ZNF521: variants seen among roughly 807,000 people sequenced by gnomAD.
ZNF521 encodes the protein zinc finger protein 521, also known as LYST-interacting protein 3.
A neutral mutation model predicts 105.5 loss-of-function variants in ZNF521; 14 were observed. The observed-to-expected ratio is 0.13, with a 90% confidence interval of 0.09 to 0.21. The LOEUF (loss-of-function observed/expected upper bound fraction) is 0.21. ZNF521 is among the 10% of genes least tolerant of loss of function. The pLI, the probability that ZNF521 is intolerant of heterozygous loss-of-function variation, is 1.00. For missense variants in ZNF521, 1,233 were observed against 1,629.7 expected, an observed-to-expected ratio of 0.76 and a Z score of 4.19; for synonymous variants, 635 against 606.0, an observed-to-expected ratio of 1.05 and a Z score of -0.70.
chr18:25,303,271 C>CGTGTGTGTGTGTGT (rs756904913), intron 3 of ZNF521, among the ~76,000 whole-genome samples: 10 of 132,692 alleles, frequency 7.5e-5, no homozygotes, highest in Non-Finnish European at 1.6e-4. Flanking sequence ...TTCTTTCTTT[C>CGTGTGTGTGTGTGT]GTGTGTGTGT....
intron 3 of ZNF521, among the ~76,000 whole-genome samples, chr18:25,271,535 A>C (rs1909660448): frequency 6.6e-6 from 1 of 152,218 alleles, no homozygotes; most frequent in South Asian, 2.1e-4. Flanking sequence ...AGGCTACAGT[A>C]ACCAAAGCAG....
intron 5 of ZNF521, among the ~76,000 whole-genome samples, chr18:25,104,116 T>C (rs182660537): frequency 6.6e-6 from 1 of 152,300 alleles, no homozygotes; most frequent in African/African-American, 2.4e-5. Context: ...TATTTCTAAG[T>C]CTATAATGTC....
intron 5 of ZNF521, among the ~76,000 whole-genome samples, chr18:25,164,227 C>T (rs1567989717): frequency 1.3e-5 from 2 of 152,202 alleles, no homozygotes; most frequent in African/African-American, 4.8e-5. Flanking sequence ...CCTGCAGCTT[C>T]TGTGCCTTGC....
chr18:25,274,270 T>TCCCCAA (rs1909890131), intron 3 of ZNF521, among the ~76,000 whole-genome samples: 1 of 152,092 alleles, frequency 6.6e-6, no homozygotes, highest in Admixed American at 6.6e-5. Flanking sequence ...TGGTCAGTAG[T>TCCCCAA]CATGGTGGTG....
intron 3 of ZNF521, among the ~76,000 whole-genome samples, chr18:25,268,824 C>T (rs1306341782): frequency 6.6e-6 from 1 of 152,178 alleles, no homozygotes; most frequent in Admixed American, 6.5e-5. Flanking sequence ...ACTGCAAAAA[C>T]ATACCTAACT....
At chr18:25,125,872 T>C (rs983150917) in intron 5 of ZNF521, among the ~76,000 whole-genome samples, 3 of 152,082 alleles carry the variant, frequency 2.0e-5, no homozygotes, top group Non-Finnish European at 4.4e-5. Context: ...TGCAAGAATT[T>C]GGCCATTACT....
rs557059473 is a variant in ZNF521 at position 25,071,618 on chromosome 18, G to T, written c.3907-8877C>A. On this transcript the variant is annotated intron_variant, in intron 7 of 7. Transcript: ENST00000361524. ...AATACTGCAGAGAAAGAAAAAATTG[G>T]TTTCAGAGCTGGGGGTTGGGGGTGG... Among the ~76,000 whole-genome samples the T allele has an allele frequency of 2.0e-5, 3 of 152,214 alleles. No individual in the cohort carries two copies. In the South Asian group the frequency reaches 6.2e-4, roughly 32 times the overall value.
Position 25,227,100 on chromosome 18 carries a change from G to A in ZNF521, c.818C>T (p.Ser273Phe), listed in dbSNP as rs778617412. 6 of 1,614,154 alleles carry A rather than the reference G, an allele frequency of 3.7e-6. No homozygotes were observed. The highest frequency in any genetic ancestry group is 2.2e-5 in the South Asian group (2 of 91,080). The change falls in exon 4 of 8, where the codon TCC becomes TTC. Residue 273 changes from serine to phenylalanine, a missense_variant. Transcript: ENST00000361524. This position sits in a 1 kb window ranked among gnomAD's most constrained non-coding sequence, Gnocchi z 5.7. The stretch of plus-strand genomic sequence containing the variant: ...GAGGGCCGCTCGGTCCTCATTTGGG[G>A]AGCATTCGGGGTGGCACTCTGCAAT... ...KHIAECHPEC[S>F]PNEDRAALQC... is the part of the protein sequence containing the mutation.
intron 1 of ZNF521, 157 bp downstream of exon 1, chr18:25,351,848 G>C (rs954318935): frequency 1.1e-5 from 2 of 187,892 alleles, no homozygotes; most frequent in Non-Finnish European, 2.1e-5. Context: ...GCGCTGGACC[G>C]GGGCTCTAAA....
At chr18:25,350,191 G>A (rs1048313798) in intron 2 of ZNF521, among the ~76,000 whole-genome samples, 2 of 152,180 alleles carry the variant, frequency 1.3e-5, no homozygotes, top group Non-Finnish European at 2.9e-5. Context: ...CTCCAACAGG[G>A]ACGACGGAGA....
chr18:25,176,907 A>G (rs1170231889), intron 5 of ZNF521, among the ~76,000 whole-genome samples: 1 of 152,208 alleles, frequency 6.6e-6, no homozygotes, highest in African/African-American at 2.4e-5. Context: ...TGGCTCCAAC[A>G]TTCGGCGCTG....
intron 5 of ZNF521, among the ~76,000 whole-genome samples, chr18:25,188,111 C>T (rs1462645239): frequency 6.6e-6 from 1 of 152,120 alleles, no homozygotes; most frequent in African/African-American, 2.4e-5. Context: ...AGCTCCCTAA[C>T]AGCCCACACG....
intron 3 of ZNF521, among the ~76,000 whole-genome samples, chr18:25,251,718 G>A (rs1234611104): frequency 1.3e-5 from 2 of 152,170 alleles, no homozygotes; most frequent in South Asian, 2.1e-4. Context: ...AGGCCAACGT[G>A]GCAGCCGCAA....
chr18:25,119,951 ACAAATTATCAGTATAT>A (rs1204990681), intron 5 of ZNF521, among the ~76,000 whole-genome samples: 2 of 152,220 alleles, frequency 1.3e-5, no homozygotes, highest in African/African-American at 2.4e-5. Flanking sequence ...AAAAGACAGT[ACAAATTATCAGTATAT>A]CAAATTATCA....
chr18:25,307,108 A>G (rs1317753009), intron 3 of ZNF521, among the ~76,000 whole-genome samples: 1 of 152,154 alleles, frequency 6.6e-6, no homozygotes, highest in East Asian at 1.9e-4. Flanking sequence ...TACCTCCTAG[A>G]TATTTATTGA....
chr18:25,322,576 GA>G (rs1208649091), intron 2 of ZNF521, among the ~76,000 whole-genome samples: 4 of 142,120 alleles, frequency 2.8e-5, no homozygotes, highest in Non-Finnish European at 6.1e-5. Context: ...GCTTAAGAAT[GA>G]ACTCTTTTTC....
chr18:25,085,422 G>A (rs2033599360), intron 7 of ZNF521, among the ~76,000 whole-genome samples: 1 of 151,882 alleles, frequency 6.6e-6, no homozygotes, highest in African/African-American at 2.4e-5. Context: ...GCTTCATCTG[G>A]CCTAAATCTT....
intron 2 of ZNF521, among the ~76,000 whole-genome samples, chr18:25,335,354 G>A (rs1568085117): frequency 6.6e-6 from 1 of 152,112 alleles, no homozygotes; most frequent in Non-Finnish European, 1.5e-5. Context: ...CAGCAAGTGG[G>A]TCATCTCTAG....
intron 5 of ZNF521, among the ~76,000 whole-genome samples, chr18:25,128,923 A>G (rs1485152529): frequency 6.6e-6 from 1 of 152,056 alleles, no homozygotes; most frequent in Non-Finnish European, 1.5e-5. Flanking sequence ...AAATTCCAGC[A>G]TGTTATTTTT....
Sources: allele counts gnomAD v4.1 joint callset (sites outside exome capture counted in the v4.1 genomes callset), GRCh38; gene constraint gnomAD v4.1.1; non-coding constraint Gnocchi (gnomAD v3.1); transcripts MANE v1.5; gene names NCBI Gene and HGNC (gene_info 2026-07-23, HGNC 2026-07-21).